CSMD1: variants seen among roughly 807,000 people sequenced by gnomAD.
The protein encoded by CSMD1 is CUB and Sushi multiple domains 1.
CSMD1 carries 213 observed loss-of-function variants against 417.5 expected under a neutral mutation model. That is an observed-to-expected ratio of 0.51 (90% CI 0.46 to 0.57). The LOEUF (loss-of-function observed/expected upper bound fraction) is 0.57. CSMD1 is among the 20% of genes least tolerant of loss of function. The pLI is 0.00. For missense variants in CSMD1, 6,923 were observed against 4,529.7 expected, an observed-to-expected ratio of 1.53 and a Z score of -15.17; for synonymous variants, 2,862 against 1,736.8, an observed-to-expected ratio of 1.65 and a Z score of -16.11.
intron 12 of CSMD1, among the ~76,000 whole-genome samples, chr8:3,411,324 T>TC: frequency 6.6e-6 from 1 of 152,082 alleles, no homozygotes; most frequent in Admixed American, 6.5e-5. Context: ...AGCAAATTCT[T>TC]TGTGGGGTAT....
At position 4,313,858 on chromosome 8, in the gene CSMD1, A is replaced by G. The variant is rs552317148; in HGVS notation, c.415+106095T>C. Among the ~76,000 whole-genome samples the G allele has an allele frequency of 3.9e-5, 6 of 152,142 alleles. No homozygotes were observed. The South Asian group carries it at 1.0e-3, about 26-fold the overall frequency. On this transcript the variant is annotated intron_variant, in intron 3 of 69. Transcript: ENST00000635120. ...GTGAAACCTCATCTCTACTAAAAAT[A>G]CAAAAATTAGCTAGGCATGGTGGTG...
rs1199621711 is a variant in CSMD1, at chr8:3,608,127, T to C, written c.1097+8583A>G. On this transcript the variant is annotated intron_variant, in intron 8 of 69. Coordinates refer to ENST00000635120, the MANE Select transcript of CSMD1 (RefSeq NM_033225.6). ...GTGGAGAGGTTGCAGTGAGCCAAGA[T>C]TGTGCCACTGCCCTCCAGCCTGGGC... 3.3e-5 allele frequency among the ~76,000 whole-genome samples: 5 copies of C among 150,322 alleles called. No homozygotes were observed. The East Asian group carries it at 7.8e-4, about 24-fold the overall frequency.
At chr8:4,091,498 G>C (rs1239801208) in intron 3 of CSMD1, among the ~76,000 whole-genome samples, 2 of 152,164 alleles carry the variant, frequency 1.3e-5, no homozygotes, top group East Asian at 3.9e-4. Flanking sequence ...TTACTTATAT[G>C]CTGCATTGCT....
intron 15 of CSMD1, among the ~76,000 whole-genome samples, chr8:3,400,507 T>A (rs57456437): frequency 3.3e-5 from 5 of 152,064 alleles, no homozygotes; most frequent in African/African-American, 1.2e-4. Context: ...GATTTACCAA[T>A]AGTATCTTAA....
chr8:4,833,227 C>A (rs1800257132), intron 1 of CSMD1, among the ~76,000 whole-genome samples: 1 of 152,162 alleles, frequency 6.6e-6, no homozygotes. Flanking sequence ...GATTAACTGA[C>A]TCACAATTCC....
chr8:4,809,437 A>C (rs912195269), intron 1 of CSMD1, among the ~76,000 whole-genome samples: 4 of 152,188 alleles, frequency 2.6e-5, no homozygotes, highest in African/African-American at 9.7e-5. Context: ...CATTACCTGC[A>C]ATCTAAGAAT....
chr8:4,883,024 C>T (rs774156998), intron 1 of CSMD1, among the ~76,000 whole-genome samples: 1 of 152,056 alleles, frequency 6.6e-6, no homozygotes, highest in Non-Finnish European at 1.5e-5. Flanking sequence ...CTCCTTTCCA[C>T]AAAGCACCAA....
chr8:3,329,669 A>G (rs1806768898), intron 23 of CSMD1, among the ~76,000 whole-genome samples: 2 of 152,268 alleles, frequency 1.3e-5, no homozygotes, highest in East Asian at 1.9e-4. Context: ...GTAAAGCCCC[A>G]TTACCAGAAA....
At chr8:4,327,135 G>T (rs1219112901) in intron 3 of CSMD1, among the ~76,000 whole-genome samples, 2 of 152,116 alleles carry the variant, frequency 1.3e-5, no homozygotes, top group Admixed American at 6.6e-5. Context: ...TGTTATCATT[G>T]ACAAGGTCTA....
intron 3 of CSMD1, among the ~76,000 whole-genome samples, chr8:4,417,801 C>G (rs892764516): frequency 1.3e-5 from 2 of 151,938 alleles, no homozygotes; most frequent in Non-Finnish European, 2.9e-5. Flanking sequence ...CATATATATA[C>G]ATGTACAAAT....
intron 5 of CSMD1, among the ~76,000 whole-genome samples, chr8:3,846,247 T>G (rs546929617): frequency 6.6e-6 from 1 of 152,298 alleles, no homozygotes; most frequent in African/African-American, 2.4e-5. Flanking sequence ...ACGTCCACAA[T>G]GCACCACGCT....
chr8:4,664,252 T>C (rs1804780445), intron 1 of CSMD1, among the ~76,000 whole-genome samples: 1 of 152,194 alleles, frequency 6.6e-6, no homozygotes, highest in Non-Finnish European at 1.5e-5. Flanking sequence ...ATTATTTCTG[T>C]GTGACTAGTA....
chr8:3,514,038 A>G (rs1480762185), intron 10 of CSMD1, among the ~76,000 whole-genome samples: 1 of 152,156 alleles, frequency 6.6e-6, no homozygotes, highest in East Asian at 1.9e-4. Context: ...TTATAATAGC[A>G]CACAGTTCTC....
chr8:3,853,791 G>C (rs1181233398), intron 5 of CSMD1, among the ~76,000 whole-genome samples: 2 of 151,140 alleles, frequency 1.3e-5, no homozygotes, highest in Non-Finnish European at 2.9e-5. Context: ...ACTGGGTGCA[G>C]CACACCAACA....
At chr8:4,428,325 C>T (rs868783192) in intron 2 of CSMD1, among the ~76,000 whole-genome samples, 13 of 152,168 alleles carry the variant, frequency 8.5e-5, no homozygotes, top group Admixed American at 3.9e-4. Flanking sequence ...GTCCCAACAC[C>T]TTTCTCTATC....
rs758040673 is a variant in CSMD1, at chr8:3,905,425, G to A, written c.818+92478C>T. On this transcript the variant is annotated intron_variant, in intron 5 of 69. Coordinates refer to ENST00000635120, the MANE Select transcript of CSMD1 (RefSeq NM_033225.6). ...GGCCACAATTAACCAGGCAGGTGGC[G>A]TCAAGTCACTGTGCAATGTAAGACC... 6.6e-5 allele frequency among the ~76,000 whole-genome samples: 10 copies of A among 152,280 alleles called. No homozygotes were observed. The East Asian group carries it at 1.4e-3, about 21-fold the overall frequency.
At chr8:4,274,948 C>T (rs1796391535) in intron 3 of CSMD1, among the ~76,000 whole-genome samples, 1 of 152,106 alleles carries the variant, frequency 6.6e-6, no homozygotes, top group African/African-American at 2.4e-5. Flanking sequence ...TCTTGAGAGC[C>T]ATCAACAAAC....
intron 18 of CSMD1, among the ~76,000 whole-genome samples, chr8:3,381,156 C>A (rs1382183345): frequency 6.6e-6 from 1 of 152,014 alleles, no homozygotes; most frequent in African/African-American, 2.4e-5. Context: ...CACCCATCAC[C>A]TTACATTCAG....
chr8:4,429,395 T>C (rs1028149399), intron 2 of CSMD1, among the ~76,000 whole-genome samples: 4 of 152,094 alleles, frequency 2.6e-5, no homozygotes, highest in Non-Finnish European at 4.4e-5. Flanking sequence ...ATACAAACTA[T>C]ATCGGACAAA....
Sources: gnomAD v4.1 joint callset for allele counts (sites outside exome capture counted in the v4.1 genomes callset) on GRCh38, gnomAD v4.1.1 for gene constraint, MANE v1.5 for transcripts, NCBI Gene and HGNC (gene_info 2026-07-23, HGNC 2026-07-21) for gene names.